The following DTWD2 variants were observed in gnomAD, a reference collection of about 807,000 sequenced individuals.
The protein encoded by DTWD2 is DTW motif tRNA-uridine aminocarboxypropyltransferase 2.
Under a neutral mutation model 31.8 loss-of-function variants are expected in DTWD2, and 39 were observed. The observed-to-expected ratio is 1.22, with a 90% CI of 0.95 to 1.60. DTWD2 has a LOEUF of 1.60. DTWD2 is among the 40% of genes most tolerant of loss of function. DTWD2 has a pLI of 0.00. For synonymous variants in DTWD2, 180 were observed against 142.8 expected (o/e 1.26, Z -1.86); for missense variants, 515 against 381.5 (o/e 1.35, Z -2.92).
At chr5:118,930,751 T>C (rs1561460080) in intron 3 of DTWD2, among the ~76,000 whole-genome samples, 1 of 152,140 alleles carries the variant, frequency 6.6e-6, no homozygotes, top group Non-Finnish European at 1.5e-5. Context: ...AAAGTCCAAA[T>C]ATATTATTTC....
intron 1 of DTWD2, among the ~76,000 whole-genome samples, chr5:118,957,973 TAA>T (rs546997209): frequency 1.6e-3 from 250 of 152,346 alleles, no homozygotes; most frequent in African/African-American, 5.7e-3. Flanking sequence ...TAATATACAA[TAA>T]GTGTGTGTAA....
intron 1 of DTWD2, among the ~76,000 whole-genome samples, chr5:118,957,078 G>T (rs2149591307): frequency 6.6e-6 from 1 of 152,224 alleles, no homozygotes; most frequent in Non-Finnish European, 1.5e-5. Context: ...CAAAACAGAA[G>T]TAGATAACAT....
At chr5:118,841,357 T>A (rs912557461) in intron 5 of DTWD2, among the ~76,000 whole-genome samples, 9 of 152,216 alleles carry the variant, frequency 5.9e-5, no homozygotes, top group Non-Finnish European at 1.2e-4. Context: ...GCATTAGTTT[T>A]ATACATTATT....
At chr5:118,912,114 C>G (rs533070340) in intron 4 of DTWD2, among the ~76,000 whole-genome samples, 31 of 152,264 alleles carry the variant, frequency 2.0e-4, no homozygotes, top group East Asian at 3.9e-4. Flanking sequence ...AGAGACATAA[C>G]GTAAGCTAGC....
intron 3 of DTWD2, 137 bp downstream of exon 3, chr5:118,939,059 G>A (rs1198998368): frequency 3.3e-6 from 2 of 608,952 alleles, no homozygotes; most frequent in African/African-American, 1.9e-5. Flanking sequence ...GTGGTCAGGG[G>A]TTAGCAGAAC....
chr5:118,912,202 T>A (rs1753473381), intron 4 of DTWD2, among the ~76,000 whole-genome samples: 2 of 152,312 alleles, frequency 1.3e-5, no homozygotes, highest in South Asian at 4.1e-4. Context: ...CAGATCTGTC[T>A]CTGAACTAAT....
At chr5:118,844,842 T>C (rs1333943701) in intron 5 of DTWD2, among the ~76,000 whole-genome samples, 3 of 152,168 alleles carry the variant, frequency 2.0e-5, no homozygotes, top group African/African-American at 7.2e-5. Flanking sequence ...AGTGAAAATT[T>C]ACTCTTCTCT....
At chr5:118,978,728 A>G (rs1398352445) in intron 1 of DTWD2, among the ~76,000 whole-genome samples, 1 of 152,166 alleles carries the variant, frequency 6.6e-6, no homozygotes, top group East Asian at 1.9e-4. Context: ...ACAAATGGCC[A>G]GGCACGGTGG....
intron 1 of DTWD2, among the ~76,000 whole-genome samples, chr5:118,950,213 CAAAA>C (rs764214153): frequency 1.1e-3 from 57 of 49,598 alleles, no homozygotes; most frequent in African/African-American, 4.0e-3. Context: ...ACTCCATCTC[CAAAA>C]AAAAAAAAAA....
Position 118,841,930 on chromosome 5 carries a change from A to G in DTWD2, c.727-843T>C, listed in dbSNP as rs186162593. Among the ~76,000 whole-genome samples, 185 of 152,356 alleles carry G rather than the reference A, an allele frequency of 1.2e-3. 2 individuals carry two copies. The highest frequency in any genetic ancestry group is 2.0e-3 in the Non-Finnish European group (133 of 68,032). On this transcript the variant is annotated intron_variant, in intron 5 of 5. Coordinates refer to ENST00000510708, the MANE Select transcript of DTWD2 (RefSeq NM_173666.4). ...TAAAGGAGCACAAAAGAAACAAAGA[A>G]AAAACTGATAGATTTAACTACAAAA...
chr5:118,979,502 C>T (rs1755244794), intron 1 of DTWD2, among the ~76,000 whole-genome samples: 1 of 152,070 alleles, frequency 6.6e-6, no homozygotes, highest in Non-Finnish European at 1.5e-5. Context: ...AGTCCCATTA[C>T]TGGGTATATT....
At chr5:118,951,487 A>G (rs2149589009) in intron 1 of DTWD2, among the ~76,000 whole-genome samples, 1 of 152,324 alleles carries the variant, frequency 6.6e-6, no homozygotes, top group East Asian at 1.9e-4. Context: ...CAGGCACCTC[A>G]GACCATTTGC....
chr5:118,953,000 C>G (rs184770310), intron 1 of DTWD2, among the ~76,000 whole-genome samples: 156 of 152,212 alleles, frequency 1.0e-3, no homozygotes, highest in African/African-American at 3.2e-3. Flanking sequence ...GATGATGAAC[C>G]CTCTAAGAGC....
chr5:118,896,100 T>C (rs934612283), intron 4 of DTWD2, among the ~76,000 whole-genome samples: 7 of 152,122 alleles, frequency 4.6e-5, no homozygotes, highest in African/African-American at 1.7e-4. Context: ...TACTCAAATG[T>C]AAAATTATCA....
At chr5:118,898,890 AG>A (rs1323433440) in intron 4 of DTWD2, among the ~76,000 whole-genome samples, 2 of 152,218 alleles carry the variant, frequency 1.3e-5, no homozygotes, top group African/African-American at 4.8e-5. Flanking sequence ...ATATTTACTC[AG>A]GTACTAGCAG....
chr5:118,986,982 C>T (rs928881460), intron 1 of DTWD2, among the ~76,000 whole-genome samples: 1 of 152,024 alleles, frequency 6.6e-6, no homozygotes, highest in African/African-American at 2.4e-5. Context: ...ATTCAGCAAG[C>T]CATTTTTTTA....
chr5:118,987,401 A>G (rs761125449), intron 1 of DTWD2, among the ~76,000 whole-genome samples: 7 of 152,138 alleles, frequency 4.6e-5, no homozygotes, highest in Non-Finnish European at 2.9e-5. Flanking sequence ...AAAGTGTGAT[A>G]CTCCAAGTAT....
At chr5:118,972,915 G>A (rs903780864) in intron 1 of DTWD2, among the ~76,000 whole-genome samples, 1 of 152,072 alleles carries the variant, frequency 6.6e-6, no homozygotes, top group Admixed American at 6.5e-5. Context: ...GGGTGCCCCT[G>A]TATTGGGTGC....
intron 1 of DTWD2, 67 bp downstream of exon 1, chr5:118,988,227 G>T (rs1015808640): frequency 5.9e-6 from 9 of 1,527,020 alleles, no homozygotes; most frequent in Non-Finnish European, 7.0e-6. Context: ...CTCCCCGGCA[G>T]GGGGCGCCGC....
Sources: gnomAD v4.1 joint callset for allele counts (sites outside exome capture counted in the v4.1 genomes callset) on GRCh38, gnomAD v4.1.1 for gene constraint, MANE v1.5 for transcripts, NCBI Gene and HGNC (gene_info 2026-07-23, HGNC 2026-07-21) for gene names.